DDX19B: variants seen among roughly 807,000 people sequenced by gnomAD.
DDX19B encodes the protein DEAD-box helicase 19B, also known as ATP-dependent RNA helicase DDX19B.
In DDX19B, 27 loss-of-function variants were observed where a neutral mutation model predicts 58.1. That is an observed-to-expected ratio of 0.46 (90% CI 0.34 to 0.64). DDX19B has a LOEUF of 0.64. Among genes scored for constraint, DDX19B ranks in the 30% least tolerant of loss-of-function variants. The pLI is 0.01. For missense variants in DDX19B, 399 were observed against 596.5 expected (o/e 0.67, Z 3.45); for synonymous variants, 187 against 214.4 (o/e 0.87, Z 1.12).
Position 70,324,691 on chromosome 16 carries a change from A to T in DDX19B, c.492+4A>T. 2 of 1,606,430 alleles carry T rather than the reference A, an allele frequency of 1.2e-6. No individual in the cohort carries two copies. Among genetic ancestry groups the T allele is most frequent in the Non-Finnish European group, 1.7e-6 (2 of 1,178,076 alleles). On this transcript the variant is annotated splice_donor_region_variant and intron_variant, in intron 6 of 11. Transcript: ENST00000288071. Reference sequence around the variant, plus strand: ...ACCTGCAAACAAATACCCCCAGGTAAGGATTTATGAATTTAGGTTTTCTAC... The same window carrying T: ...ACCTGCAAACAAATACCCCCAGGTATGGATTTATGAATTTAGGTTTTCTAC...
In DDX19B at chr16:70,325,641, A is replaced by T. The variant is rs1282684179; in HGVS notation, c.560A>T (p.Lys187Ile). 1 of 1,614,156 alleles carries T rather than the reference A, an allele frequency of 6.2e-7. No individual in the cohort carries two copies. Among genetic ancestry groups the T allele is most frequent in the South Asian group, 1.1e-5 (1 of 91,080 alleles). ...GGAAAAGTGATTGAACAAATGGGCAAATTTTACCCTGAACTGAAGCTAGCT... is the reference window on the plus strand; with the variant it reads ...GGAAAAGTGATTGAACAAATGGGCATATTTTACCCTGAACTGAAGCTAGCT... ...QTGKVIEQMG[K>I]FYPELKLAYA... is the part of the protein sequence containing the mutation. The change falls in exon 7 of 12, where the codon AAA (lysine) becomes ATA (isoleucine). Residue 187 changes from lysine (K) to isoleucine (I), a missense_variant. Lys to Ile is a moderately radical substitution (Grantham distance 102, BLOSUM62 -3). Coordinates refer to ENST00000288071, the MANE Select transcript of DDX19B (RefSeq NM_007242.7).
At chr16:70,299,930 A>G (rs550352231) in intron 1 of DDX19B, among the ~76,000 whole-genome samples, 1 of 152,104 alleles carries the variant, frequency 6.6e-6, no homozygotes, top group South Asian at 2.1e-4. Flanking sequence ...CATCGGCTTC[A>G]CTTTGTTCTT....
At chr16:70,325,797 C>T in intron 7 of DDX19B, 109 bp downstream of exon 7, 3 of 827,294 alleles carry the variant, frequency 3.6e-6, no homozygotes, top group Non-Finnish European at 6.0e-6. Context: ...TGTATGTTCT[C>T]CAGCTAGATT....
intron 5 of DDX19B, 94 bp downstream of exon 5, chr16:70,317,682 T>C (rs1808676490): frequency 9.1e-7 from 1 of 1,103,096 alleles, no homozygotes; most frequent in Non-Finnish European, 1.3e-6. Context: ...CTTATGCCTA[T>C]AATCCCAGCA....
At position 70,310,129 on chromosome 16, in the gene DDX19B, T is replaced by C. The variant is rs539705854; in HGVS notation, c.58-2480T>C. On this transcript the variant is annotated intron_variant, in intron 1 of 11. Transcript: ENST00000288071. The stretch of plus-strand genomic sequence containing the variant: ...TGGGCGCAGTGGCTCATGCCTGTAA[T>C]CCCAGCACTTTAGGAGGCCAAGGTG... Among the ~76,000 whole-genome samples the C allele has an allele frequency of 6.1e-4, 93 of 152,176 alleles. 2 individuals are homozygous for C. Among genetic ancestry groups the C allele is most frequent in the Non-Finnish European group, 2.5e-4 (17 of 68,022 alleles).
At chr16:70,317,745 CT>C in intron 5 of DDX19B, 157 bp downstream of exon 5, 1 of 490,628 alleles carries the variant, frequency 2.0e-6, no homozygotes, top group Non-Finnish European at 3.5e-6. Flanking sequence ...CAAGACCAGC[CT>C]GGGCGATGTA....
At chr16:70,322,152 C>T (rs917109451) in intron 5 of DDX19B, among the ~76,000 whole-genome samples, 1 of 152,028 alleles carries the variant, frequency 6.6e-6, no homozygotes, top group Non-Finnish European at 1.5e-5. Context: ...TTGAGACCAG[C>T]CTGGGCAGCA....
intron 7 of DDX19B, among the ~76,000 whole-genome samples, chr16:70,327,896 A>G (rs1049309115): frequency 1.3e-5 from 2 of 152,142 alleles, no homozygotes; most frequent in Non-Finnish European, 2.9e-5. Flanking sequence ...CATACCTGTA[A>G]TCTCAGCACT....
upstream of DDX19B, chr16:70,295,111 C>T (rs1262731879): frequency 8.0e-7 from 1 of 1,254,648 alleles, no homozygotes; most frequent in Non-Finnish European, 1.0e-6. Flanking sequence ...ACTGGCTAGG[C>T]TCACGTGGGA....
At chr16:70,291,993 T>G (rs1052639972), upstream of DDX19B, among the ~76,000 whole-genome samples, 1 of 147,476 alleles carries the variant, frequency 6.8e-6, no homozygotes, top group Non-Finnish European at 1.5e-5. Context: ...AAAAAAAAAT[T>G]CTTTTTAATT....
At chr16:70,321,277 G>C (rs1290889309) in intron 5 of DDX19B, among the ~76,000 whole-genome samples, 1 of 151,584 alleles carries the variant, frequency 6.6e-6, no homozygotes, top group Non-Finnish European at 1.5e-5. Context: ...GCTTTTTTTT[G>C]TTTTGTTTTG....
At chr16:70,306,804 A>T (rs751460329) in intron 1 of DDX19B, among the ~76,000 whole-genome samples, 3 of 152,210 alleles carry the variant, frequency 2.0e-5, no homozygotes, top group African/African-American at 7.2e-5. Context: ...TGTAGCTTAT[A>T]TCACAGTCAA....
At chr16:70,327,139 CTTTTTT>C (rs1184100867) in intron 7 of DDX19B, among the ~76,000 whole-genome samples, 1 of 151,606 alleles carries the variant, frequency 6.6e-6, no homozygotes, top group African/African-American at 2.4e-5. Context: ...TGGCCGCCTT[CTTTTTT>C]TTATTTTGAG....
At chr16:70,296,665 T>C (rs113245387), upstream of DDX19B, among the ~76,000 whole-genome samples, 3 of 152,118 alleles carry the variant, frequency 2.0e-5, no homozygotes, top group African/African-American at 7.2e-5. Context: ...TCTGAATTGA[T>C]GAGATGTAGG....
rs1963398550 is a variant in DDX19B, at chr16:70,330,056, G to C, written c.1011G>C (p.Met337Ile). 1 of 1,614,008 alleles carries C rather than the reference G, an allele frequency of 6.2e-7. No homozygotes were observed. The highest frequency in any genetic ancestry group is 1.3e-5 in the African/African-American group (1 of 75,054). Residue 337 changes from methionine (M) to isoleucine (I), a missense_variant, in exon 9 of 12, where the codon ATG becomes ATC. Met to Ile is a conservative substitution (Grantham distance 10). This residue lies in a region of DDX19B where 198 missense variants were observed against 345.9 expected (regional missense o/e 0.57). Transcript: ENST00000288071. ...GGGCCATCACCATTGCTCAAGCCATGATCTTCTGCCATGTGAGTAGCAGTG... is the reference window on the plus strand; with the variant it reads ...GGGCCATCACCATTGCTCAAGCCATCATCTTCTGCCATGTGAGTAGCAGTG... ...LYGAITIAQA[M>I]IFCHTRKTAS... is the part of the protein sequence containing the mutation.
intron 11 of DDX19B, 68 bp downstream of exon 11, chr16:70,333,227 G>A: frequency 2.6e-6 from 2 of 767,922 alleles, no homozygotes; most frequent in South Asian, 3.6e-5. Flanking sequence ...GAAAGGGGTA[G>A]GATCTTCTGT....
intron 4 of DDX19B, among the ~76,000 whole-genome samples, chr16:70,316,556 C>G (rs1050105481): frequency 6.6e-6 from 1 of 152,176 alleles, no homozygotes; most frequent in African/African-American, 2.4e-5. Flanking sequence ...TAGTGCACAC[C>G]TGTAATCCCA....
At position 70,325,544 on chromosome 16, in the gene DDX19B, A is replaced by C. The variant is rs372080640; in HGVS notation, c.493-30A>C. On this transcript the variant is annotated intron_variant, in intron 6 of 11. Transcript: ENST00000288071. ...CCTTTGCAAAAGAGCTATTGTCTTG[A>C]ATTTGCACTCTGCATTCTTTTCCTG... is the stretch of plus-strand genomic sequence containing the variant. 9.2e-6 allele frequency: 14 copies of C among 1,514,398 alleles called. No homozygotes were observed. In the African/African-American group the frequency reaches 1.1e-4, roughly 12 times the overall value. The allele number at this position is 1,514,398 out of a possible 1,614,324, so 93.8% of individuals were successfully genotyped here. A position where few individuals can be genotyped will look rare whatever the true frequency, so the allele number is the denominator to read the frequency against.
At chr16:70,313,224 T>C (rs1214258621) in intron 2 of DDX19B, among the ~76,000 whole-genome samples, 1 of 152,164 alleles carries the variant, frequency 6.6e-6, no homozygotes, top group African/African-American at 2.4e-5. Context: ...TTCACTGTGT[T>C]AGCCAGGATG....
Sources: allele counts gnomAD v4.1 joint callset (sites outside exome capture counted in the v4.1 genomes callset), GRCh38; gene constraint gnomAD v4.1.1; regional missense constraint gnomAD v4.1.1; transcripts MANE v1.5; gene names NCBI Gene and HGNC (gene_info 2026-07-23, HGNC 2026-07-21).